HNRNPR: variants seen among roughly 807,000 people sequenced by gnomAD.
The protein encoded by HNRNPR is heterogeneous nuclear ribonucleoprotein R.
A neutral mutation model predicts 70.3 loss-of-function variants in HNRNPR; 4 were observed. The ratio of observed to expected loss-of-function variants is 0.06; its 90% confidence interval spans 0.03 to 0.13. HNRNPR has a LOEUF of 0.13. HNRNPR is among the 10% of genes least tolerant of loss of function. The probability of loss-of-function intolerance (pLI) is 1.00; values close to 1 mark genes in which losing one functional copy is unlikely to be tolerated. For synonymous variants in HNRNPR, 241 were observed against 267.6 expected (o/e 0.90, Z 0.97); for missense variants, 423 against 788.5 (o/e 0.54, Z 5.55).
rs1215994041 is a variant in HNRNPR, at chr1:23,309,724, T to C, written c.*730A>G. On this transcript the variant is annotated 3_prime_UTR_variant, in exon 11 of 11. Coordinates refer to ENST00000302271, the MANE Select transcript of HNRNPR (RefSeq NM_005826.5). The stretch of plus-strand genomic sequence containing the variant: ...AGGCAGTTATACTTTGAAAACAATA[T>C]TCCTTGCAAGGATTACGAATAAAAT... 1.3e-5 allele frequency: 2 copies of C among 152,596 alleles called. No individual in the cohort carries two copies. The highest frequency in any genetic ancestry group is 4.8e-5 in the African/African-American group (2 of 41,444). 9.5% of individuals were successfully genotyped at this position (152,596 alleles called of 1,614,324 possible). A position where few individuals can be genotyped will look rare whatever the true frequency, so the allele number is the denominator to read the frequency against.
At chr1:23,334,997 A>C (rs1163076597) in intron 4 of HNRNPR, among the ~76,000 whole-genome samples, 1 of 151,816 alleles carries the variant, frequency 6.6e-6, no homozygotes, top group African/African-American at 2.4e-5. Flanking sequence ...GGCTCACTGC[A>C]AGCTCCGCCT....
rs1645191174 is a variant in HNRNPR at position 23,305,579 on chromosome 1, C to T, written c.*4875G>A. ...TTTAATCAGTGTTTATACCATATTA[C>T]AATTATTTTTTATATGGTATGGTCA... On this transcript the variant is annotated 3_prime_UTR_variant, in exon 11 of 11. Coordinates refer to ENST00000302271, the MANE Select transcript of HNRNPR (RefSeq NM_005826.5). The T allele has an allele frequency of 6.6e-6, 1 of 152,126 alleles. No individual in the cohort carries two copies. Among genetic ancestry groups the T allele is most frequent in the Admixed American group, 6.5e-5 (1 of 15,270 alleles). 9.4% of individuals were successfully genotyped at this position (152,126 alleles called of 1,614,324 possible). A position where few individuals can be genotyped will look rare whatever the true frequency, so the allele number is the denominator to read the frequency against.
rs759851126 is a variant in HNRNPR at position 23,321,612 on chromosome 1, C to T, written c.727G>A (p.Val243Met). Residue 243 changes from valine (V) to methionine (M), a missense_variant, in exon 7 of 11, where the codon GTG (valine) becomes ATG (methionine). Val to Met is a conservative substitution (Grantham distance 21). This residue lies in a region of HNRNPR where 118 missense variants were observed against 239.3 expected (regional missense o/e 0.49). Transcript: ENST00000302271. ...CCAACAAAAAGTCTGTTGTTTGCCA[C>T]AGAAATGCACACTCCAAGGTGTTTA... ...PGKHLGVCIS[V>M]ANNRLFVGSI... 1.2e-6 allele frequency: 2 copies of T among 1,613,870 alleles called. No homozygotes were observed. Among genetic ancestry groups the T allele is most frequent in the East Asian group, 2.2e-5 (1 of 44,860 alleles).
intron 5 of HNRNPR, among the ~76,000 whole-genome samples, chr1:23,328,022 A>G (rs995922777): frequency 2.0e-5 from 3 of 151,922 alleles, no homozygotes; most frequent in Admixed American, 2.0e-4. Context: ...AAGAAAAGAA[A>G]AAAGAAGTCT....
At chr1:23,313,798 A>T in intron 8 of HNRNPR, 96 bp from the exon 9 acceptor site, 1 of 1,324,586 alleles carries the variant, frequency 7.5e-7, no homozygotes, top group Non-Finnish European at 1.0e-6. Flanking sequence ...TTCTCCTCTA[A>T]AACATTAAGT....
intron 7 of HNRNPR, 133 bp downstream of exon 7, chr1:23,321,395 A>G: frequency 1.5e-6 from 1 of 680,656 alleles, no homozygotes; most frequent in Non-Finnish European, 2.4e-6. Flanking sequence ...ACTATAAAGC[A>G]GAAAGGAAGC....
chr1:23,324,913 G>A (rs1398370834), intron 5 of HNRNPR, among the ~76,000 whole-genome samples: 1 of 152,088 alleles, frequency 6.6e-6, no homozygotes, highest in Non-Finnish European at 1.5e-5. Context: ...GGCTGAGGCG[G>A]GCGGATCACG....
chr1:23,330,516 CAG>C (rs1462083579), intron 5 of HNRNPR, among the ~76,000 whole-genome samples: 1 of 152,052 alleles, frequency 6.6e-6, no homozygotes, highest in Non-Finnish European at 1.5e-5. Context: ...GCCTGGGCGA[CAG>C]AGTGAGACTC....
chr1:23,323,462 A>G, intron 6 of HNRNPR, 94 bp downstream of exon 6: 1 of 1,177,972 alleles, frequency 8.5e-7, no homozygotes, highest in Non-Finnish European at 1.2e-6. Flanking sequence ...CAACAACTGA[A>G]GAAATCAAAA....
At chr1:23,315,911 A>T (rs1036094518) in intron 8 of HNRNPR, among the ~76,000 whole-genome samples, 5 of 152,042 alleles carry the variant, frequency 3.3e-5, no homozygotes, top group East Asian at 1.9e-4. Context: ...GTTGCTTTTT[A>T]AAAAAAATTC....
chr1:23,326,742 G>A (rs1020775550), intron 5 of HNRNPR, among the ~76,000 whole-genome samples: 3 of 152,126 alleles, frequency 2.0e-5, no homozygotes, highest in African/African-American at 7.2e-5. Flanking sequence ...CTGAGATCGC[G>A]CCATTGCACC....
intron 7 of HNRNPR, among the ~76,000 whole-genome samples, chr1:23,319,289 G>A (rs774089668): frequency 1.3e-4 from 19 of 151,972 alleles, no homozygotes; most frequent in Non-Finnish European, 2.4e-4. Context: ...ATGTGCCTAC[G>A]TTCTTACCCG....
intron 6 of HNRNPR, among the ~76,000 whole-genome samples, chr1:23,322,582 A>G (rs1429160406): frequency 6.6e-6 from 1 of 152,246 alleles, no homozygotes; most frequent in Non-Finnish European, 1.5e-5. Flanking sequence ...TTAGTTTACT[A>G]AGAGATATGA....
chr1:23,323,337 T>C (rs555136448), intron 6 of HNRNPR, among the ~76,000 whole-genome samples: 3 of 152,342 alleles, frequency 2.0e-5, no homozygotes, highest in East Asian at 1.9e-4. Context: ...CTTAAATCAA[T>C]GGGAGACTTT....
intron 7 of HNRNPR, among the ~76,000 whole-genome samples, chr1:23,320,542 T>C (rs1431038930): frequency 1.3e-5 from 2 of 152,168 alleles, no homozygotes; most frequent in African/African-American, 2.4e-5. Flanking sequence ...AAGCAATCTT[T>C]AGATTAATGA....
chr1:23,330,004 A>T (rs1049197406), intron 5 of HNRNPR, among the ~76,000 whole-genome samples: 5 of 152,190 alleles, frequency 3.3e-5, no homozygotes, highest in Non-Finnish European at 5.9e-5. Flanking sequence ...TCTTGCAAAT[A>T]TATCAGTTTC....
At chr1:23,336,117 A>AAAAAAG (rs1646470895) in intron 4 of HNRNPR, among the ~76,000 whole-genome samples, 1 of 26,928 alleles carries the variant, frequency 3.7e-5, no homozygotes. Flanking sequence ...ACTCCGTCTC[A>AAAAAAG]AAAAAAAAAA....
At chr1:23,341,040 T>C in intron 1 of HNRNPR, 23 bp from the exon 2 acceptor site, 1 of 1,582,698 alleles carries the variant, frequency 6.3e-7, no homozygotes, top group Non-Finnish European at 8.6e-7. Flanking sequence ...ATTCAGGAGC[T>C]ATATTACATT....
Position 23,305,137 on chromosome 1 carries a change from G to GT in HNRNPR, c.*5316dup, listed in dbSNP as rs1181643393. On this transcript the variant is annotated 3_prime_UTR_variant, in exon 11 of 11. Coordinates refer to ENST00000302271, the MANE Select transcript of HNRNPR (RefSeq NM_005826.5). ...GTCTCCTTTGTTGGTTCCACAAAAT[G>GT]TATTTTGTTTTTAGTGTTTAAAGTC... 1.3e-5 allele frequency: 2 copies of GT among 152,122 alleles called. No homozygotes were observed. Among genetic ancestry groups the GT allele is most frequent in the African/African-American group, 4.8e-5 (2 of 41,424 alleles). The allele number at this position is 152,122 out of a possible 1,614,324, so 9.4% of individuals were successfully genotyped here.
Sources: gnomAD v4.1 joint callset for allele counts (sites outside exome capture counted in the v4.1 genomes callset) on GRCh38, gnomAD v4.1.1 for gene constraint, gnomAD v4.1.1 regional missense constraint, MANE v1.5 for transcripts, NCBI Gene and HGNC (gene_info 2026-07-23, HGNC 2026-07-21) for gene names.